The following PRSS23 variants were observed in gnomAD, a reference collection of about 807,000 sequenced individuals.
PRSS23 encodes the protein protease, serine 23.
Under a neutral mutation model 34.7 loss-of-function variants are expected in PRSS23, and 25 were observed. That is an observed-to-expected ratio of 0.72 (90% CI 0.53 to 1.01). The LOEUF is 1.01. Among genes scored for constraint, PRSS23 ranks in the 50% least tolerant of loss-of-function variants. PRSS23 has a pLI of 0.00. For missense variants in PRSS23, 445 were observed against 475.6 expected (o/e 0.94, Z 0.60); for synonymous variants, 176 against 186.6 (o/e 0.94, Z 0.46).
chr11:86,830,034 A>C (rs1055783115), intron 2 of PRSS23, among the ~76,000 whole-genome samples: 10 of 152,302 alleles, frequency 6.6e-5, no homozygotes, highest in South Asian at 2.1e-4. Context: ...TCAGACAGGG[A>C]CATTTAAGTC....
chr11:86,898,176 G>T (rs1678732442), intron 2 of PRSS23, among the ~76,000 whole-genome samples: 1 of 152,084 alleles, frequency 6.6e-6, no homozygotes, highest in Non-Finnish European at 1.5e-5. Context: ...AGAACCTAAT[G>T]GTTATAATCT....
intron 2 of PRSS23, among the ~76,000 whole-genome samples, chr11:86,877,857 CAA>C (rs11403638): frequency 1.6e-5 from 2 of 125,866 alleles, no homozygotes; most frequent in African/African-American, 2.8e-5. Context: ...TTCATTTCTG[CAA>C]AAAAAAAAAA....
At chr11:86,872,688 T>G (rs558010033) in intron 2 of PRSS23, among the ~76,000 whole-genome samples, 1 of 152,248 alleles carries the variant, frequency 6.6e-6, no homozygotes, top group African/African-American at 2.4e-5. Flanking sequence ...ACCAAAGCAA[T>G]CTGTTATAAT....
intron 2 of PRSS23, among the ~76,000 whole-genome samples, chr11:86,845,847 T>C (rs1264147274): frequency 1.3e-5 from 2 of 152,164 alleles, no homozygotes; most frequent in Non-Finnish European, 2.9e-5. Flanking sequence ...TGCTCCCAAT[T>C]CCAATTTCTT....
chr11:86,836,900 TGGATATA>T (rs1948410236), intron 2 of PRSS23: 1 of 152,392 alleles, frequency 6.6e-6, no homozygotes, highest in Non-Finnish European at 1.5e-5. Context: ...GTCTGCATTT[TGGATATA>T]AGCAATTCAC....
intron 2 of PRSS23, among the ~76,000 whole-genome samples, chr11:86,875,330 G>A (rs1939098): frequency 0.53 from 80,903 of 152,012 alleles, 22,750 homozygotes; most frequent in African/African-American, 0.72. Flanking sequence ...AAGATCATGC[G>A]GTTGCACTCC....
rs1161786029 is a variant in PRSS23 at position 86,834,889 on chromosome 11, A to T, written c.206+11296A>T. Among the ~76,000 whole-genome samples, 5 of 152,304 alleles carry T rather than the reference A, an allele frequency of 3.3e-5. No homozygotes were observed. In the East Asian group the frequency reaches 9.7e-4, roughly 29 times the overall value. ...TCCTGGAGTGAGGGGATTACTTTCA[A>T]GTATTCCATTATCACTGACCACTGC... On this transcript the variant is annotated intron_variant, in intron 2 of 2. Transcript: ENST00000533902.
At chr11:86,906,219 C>A (rs1157152945) in intron 2 of PRSS23, among the ~76,000 whole-genome samples, 1 of 152,186 alleles carries the variant, frequency 6.6e-6, no homozygotes, top group South Asian at 2.1e-4. Flanking sequence ...AAGGCCACAC[C>A]GGGATTGGAA....
intron 2 of PRSS23, among the ~76,000 whole-genome samples, chr11:86,885,514 A>G (rs746905458): frequency 1.1e-4 from 16 of 152,188 alleles, no homozygotes; most frequent in Non-Finnish European, 1.6e-4. Context: ...CTGTGAGTAA[A>G]CGGATTACCC....
At chr11:86,804,392 C>T (rs185278018) in intron 1 of PRSS23, among the ~76,000 whole-genome samples, 23 of 152,214 alleles carry the variant, frequency 1.5e-4, no homozygotes, top group Non-Finnish European at 2.8e-4. Flanking sequence ...TAACTTTTAG[C>T]GTTACATGGA....
chr11:86,899,030 C>G (rs1352094811), intron 2 of PRSS23, among the ~76,000 whole-genome samples: 1 of 152,176 alleles, frequency 6.6e-6, no homozygotes, highest in Non-Finnish European at 1.5e-5. Context: ...ATGTGCAAGT[C>G]TCAGCTGACC....
intron 2 of PRSS23, chr11:86,945,945 C>A (rs1251673223): frequency 6.6e-6 from 1 of 152,568 alleles, no homozygotes; most frequent in Non-Finnish European, 1.5e-5. Flanking sequence ...GGCATGAGGA[C>A]CCAAGAAAGG....
At chr11:86,825,254 G>GTCTTTTGGCTGCATAAATGTCT (rs1948290201) in intron 2 of PRSS23, among the ~76,000 whole-genome samples, 2 of 151,970 alleles carry the variant, frequency 1.3e-5, no homozygotes, top group African/African-American at 4.8e-5. Context: ...TTTTTCATGT[G>GTCTTTTGGCTGCATAAATGTCT]TCTTTTGGCT....
chr11:86,846,168 A>G (rs1490195666), intron 2 of PRSS23, among the ~76,000 whole-genome samples: 1 of 152,118 alleles, frequency 6.6e-6, no homozygotes. Flanking sequence ...CCTTGCCTCT[A>G]TCACTCACCA....
intron 2 of PRSS23, among the ~76,000 whole-genome samples, chr11:86,831,558 C>T (rs1039142850): frequency 2.6e-5 from 4 of 151,452 alleles, no homozygotes; most frequent in East Asian, 1.9e-4. Flanking sequence ...TTAATATCAC[C>T]GGGGCTCTAC....
chr11:86,947,991 A>G (rs1370309256), intron 2 of PRSS23: 1 of 152,262 alleles, frequency 6.6e-6, no homozygotes, highest in Non-Finnish European at 1.5e-5. Context: ...GAATACCCCA[A>G]GCCCTGAATT....
In PRSS23 at chr11:86,817,715, A is replaced by G. The variant is rs544632948; in HGVS notation, c.-11-5662A>G. Among the ~76,000 whole-genome samples, 51 of 152,350 alleles carry G rather than the reference A, an allele frequency of 3.3e-4. No individual in the cohort carries two copies. In the South Asian group the frequency reaches 0.01, roughly 31 times the overall value. On this transcript the variant is annotated intron_variant, in intron 1 of 2. Coordinates refer to the PRSS23 transcript ENST00000533902. ...TACGTTGTGTTCAGGCAAGTATCAG[A>G]TCATTCATTTATGAAACCAACAAGC...
intron 2 of PRSS23, among the ~76,000 whole-genome samples, chr11:86,873,094 T>TTATCATA (rs1948695682): frequency 1.3e-5 from 2 of 151,878 alleles, no homozygotes; most frequent in African/African-American, 4.8e-5. Flanking sequence ...CACCCACCTA[T>TTATCATA]GATATTGTCT....
intron 2 of PRSS23, among the ~76,000 whole-genome samples, chr11:86,831,141 A>G (rs995343401): frequency 6.6e-6 from 1 of 152,014 alleles, no homozygotes; most frequent in African/African-American, 2.4e-5. Flanking sequence ...CCGTGATATT[A>G]TTTTTTATAT....
Sources: gnomAD v4.1 joint callset for allele counts (sites outside exome capture counted in the v4.1 genomes callset) on GRCh38, gnomAD v4.1.1 for gene constraint, MANE v1.5 for transcripts, NCBI Gene and HGNC (gene_info 2026-07-23, HGNC 2026-07-21) for gene names.